POMT2: variants seen among roughly 807,000 people sequenced by gnomAD.
POMT2 encodes the protein protein O-mannosyl-transferase 2.
Under a neutral mutation model 100.0 loss-of-function variants are expected in POMT2, and 75 were observed. That is an observed-to-expected ratio of 0.75 (90% CI 0.62 to 0.91). POMT2 has a LOEUF of 0.91. Ranked by LOEUF, POMT2 falls within the 40% of genes least tolerant of loss-of-function variation. The pLI, the probability that POMT2 is intolerant of heterozygous loss-of-function variation, is 0.00. For synonymous variants in POMT2, 378 were observed against 374.1 expected, an observed-to-expected ratio of 1.01 and a Z score of -0.12; for missense variants, 940 against 955.1, an observed-to-expected ratio of 0.98 and a Z score of 0.21.
At chr14:77,303,866 A>G (rs1327944517) in intron 4 of POMT2, among the ~76,000 whole-genome samples, 3 of 152,234 alleles carry the variant, frequency 2.0e-5, no homozygotes, top group African/African-American at 7.2e-5. Context: ...GGTAAGCTCA[A>G]TGAGACCAGA....
At chr14:77,277,852 C>T (rs1373412052) in intron 20 of POMT2, among the ~76,000 whole-genome samples, 2 of 152,198 alleles carry the variant, frequency 1.3e-5, no homozygotes, top group Non-Finnish European at 2.9e-5. Context: ...AGCGGGGAGC[C>T]TTCCAAACAA....
rs770519670 is a variant in POMT2, at chr14:77,282,601, A to G, written c.1653+1196T>C. Among the ~76,000 whole-genome samples the G allele has an allele frequency of 2.7e-4, 41 of 152,248 alleles. 1 individual carries two copies. The highest frequency in any genetic ancestry group is 5.0e-4 in the Non-Finnish European group (34 of 68,046). ...CAGGCCCAGAATGATATTCTGACTG[A>G]CAGGCACATGTTCAAAAGAGCTATG... On this transcript the variant is annotated intron_variant, in intron 15 of 20. Transcript: ENST00000261534.
At chr14:77,278,924 GGCTCTGGTCCA>G in intron 18 of POMT2, 55 bp from the exon 19 acceptor site, 1 of 1,576,964 alleles carries the variant, frequency 6.3e-7, no homozygotes, top group South Asian at 1.1e-5. Context: ...AGAGATTCCA[GGCTCTGGTCCA>G]GCTCTGCCCC....
chr14:77,302,823 G>A lies in POMT2; in HGVS notation c.656+12C>T. ...CTTCCAACCCTCCCCTCCCGGGGAT[G>A]GAGTTTCTGACCTGTCGGCGCAAGA... On this transcript the variant is annotated intron_variant, in intron 5 of 20. Coordinates refer to ENST00000261534, the MANE Select transcript of POMT2 (RefSeq NM_013382.7). 6.2e-7 allele frequency: 1 copy of A among 1,601,120 alleles called. No homozygotes were observed. Among genetic ancestry groups the A allele is most frequent in the East Asian group, 2.2e-5 (1 of 44,780 alleles).
At position 77,296,532 on chromosome 14, in the gene POMT2, G is replaced by T. The variant is rs561052205; in HGVS notation, c.1007-259C>A. On this transcript the variant is annotated intron_variant, in intron 8 of 20. Coordinates refer to ENST00000261534, the MANE Select transcript of POMT2 (RefSeq NM_013382.7). ...CACTGTCATTATCAAAGCACTACGTGTAACAGCAAAAGACGAAAAACAACT... is the reference window on the plus strand; with the variant it reads ...CACTGTCATTATCAAAGCACTACGTTTAACAGCAAAAGACGAAAAACAACT... 8.0e-6 allele frequency: 4 copies of T among 499,652 alleles called. No homozygotes were observed. In the South Asian group the frequency reaches 9.6e-5, roughly 12 times the overall value. The allele number at this position is 499,652 out of a possible 1,614,324, so 31.0% of individuals were successfully genotyped here.
chr14:77,312,322 T>G, intron 1 of POMT2: 1 of 318,656 alleles, frequency 3.1e-6, no homozygotes, highest in Non-Finnish European at 5.8e-6. Context: ...TTCTATTTAT[T>G]TTAAAAGGAC....
intron 15 of POMT2, among the ~76,000 whole-genome samples, chr14:77,283,555 T>C (rs1288846959): frequency 6.6e-6 from 1 of 152,220 alleles, no homozygotes; most frequent in South Asian, 2.1e-4. Flanking sequence ...ATGAGTATAG[T>C]GCTTAGCGTA....
chr14:77,304,315 GT>G (rs1891151039), intron 4 of POMT2, among the ~76,000 whole-genome samples: 2 of 152,244 alleles, frequency 1.3e-5, no homozygotes, highest in East Asian at 3.9e-4. Context: ...GTTGAAATTA[GT>G]TAAGGAATGC....
chr14:77,283,582 C>T (rs993273483), intron 15 of POMT2, among the ~76,000 whole-genome samples: 2 of 152,234 alleles, frequency 1.3e-5, no homozygotes, highest in Non-Finnish European at 2.9e-5. Context: ...GGCACATGAG[C>T]TGTACAAGCA....
chr14:77,279,061 T>C, intron 18 of POMT2, 192 bp from the exon 19 acceptor site: 1 of 758,448 alleles, frequency 1.3e-6, no homozygotes, highest in South Asian at 1.5e-5. Flanking sequence ...GGGCCCAGCC[T>C]AGTGAGGCCT....
chr14:77,282,779 G>A (rs1449941416), intron 15 of POMT2, among the ~76,000 whole-genome samples: 1 of 152,190 alleles, frequency 6.6e-6, no homozygotes, highest in Non-Finnish European at 1.5e-5. Context: ...TATATGTACT[G>A]AGTACTGCTT....
At chr14:77,299,938 T>C (rs112883929) in intron 6 of POMT2, 19 of 306,746 alleles carry the variant, frequency 6.2e-5, no homozygotes, top group African/African-American at 3.5e-4. Context: ...ACCCATCACA[T>C]GGCTAATGGC....
rs747493658 is a variant in POMT2, at chr14:77,277,474, G to A, written c.2155C>T (p.Leu719Phe). Reference sequence around the variant, plus strand: ...ATCCCGTAAGCCAGAGGGTGGAAGAGGTAGAAGCTGTGAGAGAGAACCAGT... The same window carrying A: ...ATCCCGTAAGCCAGAGGGTGGAAGAAGTAGAAGCTGTGAGAGAGAACCAGT... ...LLLGTAYSFY[L>F]FHPLAYGMVG... is the part of the protein sequence containing the mutation. Residue 719 changes from leucine to phenylalanine, a missense_variant, in exon 21 of 21, where the codon CTC (leucine) becomes TTC (phenylalanine). By Grantham distance (22) the Leu-to-Phe change is conservative. Transcript: ENST00000261534. 1 of 1,612,282 alleles carries A rather than the reference G, an allele frequency of 6.2e-7. No individual in the cohort carries two copies. The highest frequency in any genetic ancestry group is 1.1e-5 in the South Asian group (1 of 91,040).
chr14:77,307,990 T>C (rs1195592417), intron 2 of POMT2, among the ~76,000 whole-genome samples: 5 of 149,124 alleles, frequency 3.4e-5, no homozygotes, highest in Non-Finnish European at 5.9e-5. Context: ...GCCTCCCGCA[T>C]AGCTGGGATT....
intron 10 of POMT2, 110 bp downstream of exon 10, chr14:77,291,204 G>C (rs1246700457): frequency 3.9e-6 from 4 of 1,017,826 alleles, no homozygotes; most frequent in African/African-American, 3.2e-5. Context: ...AGGTGTCAAA[G>C]ATGCTCAGCA....
At chr14:77,314,383 G>A (rs971337773) in intron 1 of POMT2, among the ~76,000 whole-genome samples, 2 of 152,192 alleles carry the variant, frequency 1.3e-5, no homozygotes, top group Non-Finnish European at 2.9e-5. Flanking sequence ...CCCACTTGCT[G>A]TGCCATGAGA....
chr14:77,278,231 G>C (rs1274816855), intron 20 of POMT2, 163 bp downstream of exon 20: 2 of 667,480 alleles, frequency 3.0e-6, no homozygotes, highest in Non-Finnish European at 5.4e-6. Context: ...GATCACCTGG[G>C]GGACTCTGGA....
chr14:77,293,193 G>A lies in POMT2; in HGVS notation c.1117-1813C>T, dbSNP rs902694307. 5.3e-5 allele frequency among the ~76,000 whole-genome samples: 8 copies of A among 152,144 alleles called. No homozygotes were observed. In the East Asian group the frequency reaches 5.8e-4, roughly 11 times the overall value. On this transcript the variant is annotated intron_variant, in intron 9 of 20. Coordinates refer to ENST00000261534, the MANE Select transcript of POMT2 (RefSeq NM_013382.7). The stretch of plus-strand genomic sequence containing the variant: ...CATTCCTGAGAAAAAGCTCGATATC[G>A]TCCATCCAGCCTGGATTTGCTCAAG...
Position 77,280,704 on chromosome 14 carries a change from G to GGGAAAGA in POMT2, c.1654-248_1654-242dup, listed in dbSNP as rs112591735. Among the ~76,000 whole-genome samples, 125,903 of 151,470 alleles carry GGGAAAGA rather than the reference G, an allele frequency of 0.83. 52,518 individuals carry two copies. The highest frequency in any genetic ancestry group is 0.95 in the East Asian group (4,860 of 5,118). ...ATTCCAACCTTCTAGGGAAAAAGAA[G>GGGAAAGA]GGAAAGAGGAAATTGTTCCAATGGG... On this transcript the variant is annotated intron_variant, in intron 15 of 20. Coordinates refer to ENST00000261534, the MANE Select transcript of POMT2 (RefSeq NM_013382.7).
Sources: allele counts gnomAD v4.1 joint callset (sites outside exome capture counted in the v4.1 genomes callset), GRCh38; gene constraint gnomAD v4.1.1; transcripts MANE v1.5; gene names NCBI Gene and HGNC (gene_info 2026-07-23, HGNC 2026-07-21).